Variants in INPP4B observed in about 807,000 individuals in gnomAD.
INPP4B encodes the protein inositol polyphosphate 4-phosphatase type II.
Under a neutral mutation model 122.5 loss-of-function variants are expected in INPP4B, and 55 were observed. That is an observed-to-expected ratio of 0.45 (90% CI 0.36 to 0.56). The LOEUF is 0.56. Ranked by LOEUF, INPP4B falls within the 20% of genes least tolerant of loss-of-function variation. The pLI is 0.00. For missense variants in INPP4B, 1,000 were observed against 1,097.7 expected, an observed-to-expected ratio of 0.91 and a Z score of 1.26; for synonymous variants, 403 against 388.7, an observed-to-expected ratio of 1.04 and a Z score of -0.43.
chr4:142,496,117 A>G (rs1384687397), intron 2 of INPP4B, among the ~76,000 whole-genome samples: 1 of 152,146 alleles, frequency 6.6e-6, no homozygotes, highest in Non-Finnish European at 1.5e-5. Flanking sequence ...ATTACTTACT[A>G]CAGTCTACTT....
intron 5 of INPP4B, among the ~76,000 whole-genome samples, chr4:142,425,505 C>T (rs948628373): frequency 4.5e-4 from 69 of 151,916 alleles, no homozygotes; most frequent in African/African-American, 1.6e-3. Context: ...TACTACCCTT[C>T]GATCCCAGTA....
chr4:142,513,309 G>T (rs1322713293), intron 2 of INPP4B, among the ~76,000 whole-genome samples: 1 of 152,116 alleles, frequency 6.6e-6, no homozygotes. Flanking sequence ...TAGGGGGAAA[G>T]CTGGGAAGTA....
intron 2 of INPP4B, among the ~76,000 whole-genome samples, chr4:142,625,629 C>T (rs1746182662): frequency 6.6e-6 from 1 of 151,998 alleles, no homozygotes; most frequent in South Asian, 2.1e-4. Context: ...TTGGAAAAAA[C>T]TACTTTAAAG....
At chr4:142,736,761 T>G (rs949471213) in intron 1 of INPP4B, among the ~76,000 whole-genome samples, 5 of 152,196 alleles carry the variant, frequency 3.3e-5, no homozygotes, top group Admixed American at 3.3e-4. Flanking sequence ...CAATTTGACT[T>G]CCTCTTTTAC....
intron 14 of INPP4B, 66 bp from the exon 15 acceptor site, chr4:142,193,261 T>G: frequency 1.1e-6 from 1 of 897,800 alleles, no homozygotes; most frequent in South Asian, 1.4e-5. Context: ...GCTGTTTGCA[T>G]TGAAGCATAC....
intron 1 of INPP4B, among the ~76,000 whole-genome samples, chr4:142,836,496 G>T (rs1782791267): frequency 6.6e-6 from 1 of 151,944 alleles, no homozygotes; most frequent in Non-Finnish European, 1.5e-5. Flanking sequence ...AAACAAGTGG[G>T]AAATAGAGGA....
chr4:142,379,793 CAT>C (rs1386987906), intron 7 of INPP4B, among the ~76,000 whole-genome samples: 1 of 152,232 alleles, frequency 6.6e-6, no homozygotes, highest in East Asian at 1.9e-4. Context: ...CCATGCAAGA[CAT>C]GTGTCCTCAG....
chr4:142,444,580 C>T (rs1812504188), intron 3 of INPP4B, among the ~76,000 whole-genome samples: 1 of 151,852 alleles, frequency 6.6e-6, no homozygotes, highest in African/African-American at 2.4e-5. Flanking sequence ...TTAGTTCAAC[C>T]ACTGTAGAAG....
chr4:142,835,427 A>G (rs1782660084), intron 1 of INPP4B, among the ~76,000 whole-genome samples: 1 of 152,212 alleles, frequency 6.6e-6, no homozygotes, highest in Non-Finnish European at 1.5e-5. Context: ...GAACTATAGT[A>G]TATAGTTATG....
intron 3 of INPP4B, among the ~76,000 whole-genome samples, chr4:142,453,713 T>C (rs1374251699): frequency 6.6e-6 from 1 of 152,128 alleles, no homozygotes; most frequent in Non-Finnish European, 1.5e-5. Context: ...GCAGTTTCCT[T>C]ACTCTTCAAT....
rs1343283749 is a variant in INPP4B at position 142,245,877 on chromosome 4, T to C, written c.689-7866A>G. On this transcript the variant is annotated intron_variant, in intron 11 of 25. Transcript: ENST00000262992. ...ATACATATATGTGTATGTATACATA[T>C]ATATGTGTATGTATACATATATGTG... is the stretch of plus-strand genomic sequence containing the variant. Among the ~76,000 whole-genome samples the C allele has an allele frequency of 2.9e-3, 61 of 20,712 alleles. 1 individual carries two copies. Among genetic ancestry groups the C allele is most frequent in the African/African-American group, 6.5e-3 (58 of 8,922 alleles). The allele number at this position is 20,712 out of a possible 152,430, so 13.6% of individuals were successfully genotyped here. A position where few individuals can be genotyped will look rare whatever the true frequency, so the allele number is the denominator to read the frequency against.
chr4:142,125,195 G>A (rs761629357), intron 18 of INPP4B, among the ~76,000 whole-genome samples: 8 of 151,778 alleles, frequency 5.3e-5, no homozygotes, highest in Non-Finnish European at 1.2e-4. Flanking sequence ...CATGCCCATC[G>A]TTGTTTATTG....
chr4:142,124,264 G>C (rs1008228988), intron 19 of INPP4B, among the ~76,000 whole-genome samples: 1 of 152,134 alleles, frequency 6.6e-6, no homozygotes, highest in Non-Finnish European at 1.5e-5. Context: ...CAAGTCAACA[G>C]TCCCTTCCCT....
chr4:142,810,446 ACTACAC>A (rs1186767426), intron 1 of INPP4B, among the ~76,000 whole-genome samples: 1 of 152,152 alleles, frequency 6.6e-6, no homozygotes, highest in Admixed American at 6.5e-5. Context: ...ATAATCCTGA[ACTACAC>A]CTTGATCCAT....
intron 2 of INPP4B, among the ~76,000 whole-genome samples, chr4:142,545,816 T>TATATAC (rs1560782695): frequency 8.2e-5 from 5 of 60,840 alleles, no homozygotes; most frequent in African/African-American, 1.4e-4. Flanking sequence ...CACATATACA[T>TATATAC]GTGTGTATAT....
intron 1 of INPP4B, among the ~76,000 whole-genome samples, chr4:142,748,592 C>T (rs535986386): frequency 6.6e-6 from 1 of 151,316 alleles, no homozygotes; most frequent in African/African-American, 2.4e-5. Flanking sequence ...ATATAATGAA[C>T]AACTTTATGT....
At chr4:142,280,375 T>C (rs2150764469) in intron 9 of INPP4B, among the ~76,000 whole-genome samples, 1 of 152,122 alleles carries the variant, frequency 6.6e-6, no homozygotes, top group Non-Finnish European at 1.5e-5. Context: ...AAAGAAACTG[T>C]TGATACACCA....
intron 7 of INPP4B, chr4:142,384,086 C>T: frequency 1.4e-6 from 1 of 702,134 alleles, no homozygotes; most frequent in Non-Finnish European, 2.6e-6. Context: ...TCAAGATCCA[C>T]TTATACTCAA....
At chr4:142,632,605 T>A in intron 2 of INPP4B, among the ~76,000 whole-genome samples, 1 of 151,956 alleles carries the variant, frequency 6.6e-6, no homozygotes, top group East Asian at 1.9e-4. Context: ...TACATAAATA[T>A]CAATGCTATA....
Sources: allele counts gnomAD v4.1 joint callset (sites outside exome capture counted in the v4.1 genomes callset), GRCh38; gene constraint gnomAD v4.1.1; transcripts MANE v1.5; gene names NCBI Gene and HGNC (gene_info 2026-07-23, HGNC 2026-07-21).